Variants in USF1 observed in about 807,000 individuals in gnomAD.
USF1 encodes the protein upstream stimulatory factor 1.
In USF1, 22 loss-of-function variants were observed where a neutral mutation model predicts 46.3. The ratio of observed to expected loss-of-function variants is 0.47; its 90% CI spans 0.34 to 0.68. The LOEUF (loss-of-function observed/expected upper bound fraction) is 0.68. Ranked by LOEUF, USF1 falls within the 30% of genes least tolerant of loss-of-function variation. The probability of loss-of-function intolerance (pLI) is 0.01; values close to 1 mark genes in which losing one functional copy is unlikely to be tolerated. For missense variants in USF1, 287 were observed against 399.3 expected (o/e 0.72, Z 2.40); for synonymous variants, 150 against 147.0 (o/e 1.02, Z -0.15).
intron 3 of USF1, 61 bp from the exon 4 acceptor site, chr1:161,042,731 T>G: frequency 6.2e-7 from 1 of 1,610,422 alleles, no homozygotes; most frequent in Non-Finnish European, 8.5e-7. Context: ...CCCGTTCCAT[T>G]TGCATGTCAC....
rs1306174027 is a variant in USF1 at position 161,039,302 on chromosome 1, AAAAG to A, written c.*614_*617del. On this transcript the variant is annotated 3_prime_UTR_variant, in exon 11 of 11. Coordinates refer to ENST00000368021, the MANE Select transcript of USF1 (RefSeq NM_007122.5). ...AAAAAAAAAAAAAAAAAAAAAAAAG[AAAAG>A]AAAAAAAAAAAACGACCCCCACAAG... 4.8e-3 allele frequency: 485 copies of A among 101,018 alleles called. 3 individuals are homozygous for A. The highest frequency in any genetic ancestry group is 0.013 in the African/African-American group (405 of 31,232). 6.3% of individuals were successfully genotyped at this position (101,018 alleles called of 1,614,324 possible).
Position 161,041,681 on chromosome 1 carries a change from G to A in USF1, c.442C>T (p.Leu148=). Residue 148 remains leucine, a synonymous_variant, in exon 6 of 11, where the codon CTG becomes TTG. Transcript: ENST00000368021. ...CCAGGAGGGGTCGCCTGCCCCAGCAGTGCCTCTGAGCCCTGGGTAGTAACA... is the reference window on the plus strand; with the variant it reads ...CCAGGAGGGGTCGCCTGCCCCAGCAATGCCTCTGAGCCCTGGGTAGTAACA... The part of the protein sequence containing the change: ...AVVTTQGSEA[L]LGQATPPGTG... The A allele has an allele frequency of 1.2e-6, 2 of 1,612,682 alleles. No homozygotes were observed. The highest frequency in any genetic ancestry group is 1.7e-6 in the Non-Finnish European group (2 of 1,178,906).
intron 4 of USF1, 60 bp downstream of exon 4, chr1:161,042,495 A>G (rs560090065): frequency 3.8e-6 from 6 of 1,579,948 alleles, no homozygotes; most frequent in Middle Eastern, 1.7e-4. Flanking sequence ...GACATGTTCA[A>G]TTACCTCCCT....
chr1:161,039,686 A>G lies in USF1; in HGVS notation c.*234T>C. On this transcript the variant is annotated 3_prime_UTR_variant, in exon 11 of 11. Transcript: ENST00000368021. ...ACATGCATTGTGCGAGAGGAGCACAAGGGCCCAGGGGCTGCATGGTGGGGG... is the reference window on the plus strand; with the variant it reads ...ACATGCATTGTGCGAGAGGAGCACAGGGGCCCAGGGGCTGCATGGTGGGGG... 1.8e-6 allele frequency: 1 copy of G among 559,166 alleles called. No homozygotes were observed. The highest frequency in any genetic ancestry group is 3.2e-6 in the Non-Finnish European group (1 of 311,110). The allele number at this position is 559,166 out of a possible 1,614,324, so 34.6% of individuals were successfully genotyped here. A position where few individuals can be genotyped will look rare whatever the true frequency, so the allele number is the denominator to read the frequency against.
intron 7 of USF1, 131 bp downstream of exon 7, chr1:161,041,193 C>T: frequency 1.3e-6 from 1 of 791,058 alleles, no homozygotes; most frequent in South Asian, 1.9e-5. Context: ...ACCCTGGAAG[C>T]AGAGGTTGCA....
chr1:161,040,486 T>C lies in USF1; in HGVS notation c.714+90A>G. On this transcript the variant is annotated intron_variant, in intron 9 of 10. Transcript: ENST00000368021. The surrounding 1 kb of genome is among the most constrained non-coding windows in gnomAD (Gnocchi z 4.0). ...ACCTCAGGGAGAGATAAGACTACTG[T>C]CATGTGTGCCCCTCTCTCTACCATT... is the stretch of plus-strand genomic sequence containing the variant. 6.4e-7 allele frequency: 1 copy of C among 1,560,774 alleles called. No homozygotes were observed. The highest frequency in any genetic ancestry group is 1.2e-5 in the South Asian group (1 of 85,566).
intron 1 of USF1, 46 bp from the exon 2 acceptor site, chr1:161,043,406 G>T (rs1399003376): frequency 1.4e-6 from 2 of 1,430,470 alleles, no homozygotes; most frequent in African/African-American, 2.9e-5. Flanking sequence ...AAACAGAACA[G>T]TATCTCTGGT....
rs1407320653 is a variant in USF1 at position 161,039,843 on chromosome 1, G to A, written c.*77C>T. The A allele has an allele frequency of 2.7e-6, 4 of 1,499,888 alleles. No individual in the cohort carries two copies. The African/African-American group carries it at 5.5e-5, about 21-fold the overall frequency. 92.9% of individuals were successfully genotyped at this position (1,499,888 alleles called of 1,614,324 possible). ...CCCATGCCAGAAGTGGGGCAGTGAA[G>A]GAAAGGGGCACGGGATTAGGCTGTT... On this transcript the variant is annotated 3_prime_UTR_variant, in exon 11 of 11. Coordinates refer to ENST00000368021, the MANE Select transcript of USF1 (RefSeq NM_007122.5).
At position 161,040,535 on chromosome 1, in the gene USF1, G is replaced by T; in HGVS notation, c.714+41C>A. 1 of 1,599,468 alleles carries T rather than the reference G, an allele frequency of 6.3e-7. No homozygotes were observed. The stretch of plus-strand genomic sequence containing the variant: ...TTTCTGGAAACAATACCAGGAGGCA[G>T]AATTCAGGCATCCTGCCCACTACCA... On this transcript the variant is annotated intron_variant, in intron 9 of 10. Coordinates refer to ENST00000368021, the MANE Select transcript of USF1 (RefSeq NM_007122.5). This position sits in a 1 kb window ranked among gnomAD's most constrained non-coding sequence, Gnocchi z 4.0.
chr1:161,044,222 C>T lies in USF1; in HGVS notation c.-85-862G>A, dbSNP rs533518968. Among the ~76,000 whole-genome samples the T allele has an allele frequency of 8.5e-5, 13 of 152,256 alleles. 1 individual carries two copies. Among genetic ancestry groups the T allele is most frequent in the Admixed American group, 8.5e-4 (13 of 15,290 alleles). On this transcript the variant is annotated intron_variant, in intron 1 of 10. Transcript: ENST00000368021. ...CCTCCCAAAGTGCTTGGATTACAGG[C>T]ATGAGCCACCGCACCCAGCCAACAA...
At chr1:161,041,938 G>GAGTTCTGAGAA in intron 5 of USF1, 92 bp from the exon 6 acceptor site, 1 of 1,399,612 alleles carries the variant, frequency 7.1e-7, no homozygotes. Context: ...TGGGGTGGTA[G>GAGTTCTGAGAA]GTAGGGTGGA....
At chr1:161,044,145 A>T (rs1302109602) in intron 1 of USF1, among the ~76,000 whole-genome samples, 1 of 150,846 alleles carries the variant, frequency 6.6e-6, no homozygotes, top group Non-Finnish European at 1.5e-5. Context: ...GTTTTACCAT[A>T]TTGGCCAGGC....
chr1:161,044,027 C>T (rs1213425579), intron 1 of USF1, among the ~76,000 whole-genome samples: 1 of 149,878 alleles, frequency 6.7e-6, no homozygotes, highest in African/African-American at 2.5e-5. Context: ...CTTACAACCT[C>T]CATCTCCTGG....
chr1:161,042,982 A>G, intron 2 of USF1, 100 bp from the exon 3 acceptor site: 1 of 1,532,310 alleles, frequency 6.5e-7, no homozygotes, highest in Non-Finnish European at 9.0e-7. Context: ...GGCATTCCCA[A>G]CAGAAGCTGG....
At chr1:161,043,554 A>G (rs967713450) in intron 1 of USF1, among the ~76,000 whole-genome samples, 194 bp from the exon 2 acceptor site, 1 of 151,570 alleles carries the variant, frequency 6.6e-6, no homozygotes, top group Admixed American at 6.6e-5. Context: ...AGTGTTCCCC[A>G]TCCCTCCATT....
At position 161,039,938 on chromosome 1, in the gene USF1, G is replaced by A. The variant is rs1650453553; in HGVS notation, c.915C>T (p.Ile305=). The A allele has an allele frequency of 2.5e-6, 4 of 1,614,090 alleles. No individual in the cohort carries two copies. In the South Asian group the frequency reaches 4.4e-5, roughly 18 times the overall value. Residue 305 remains isoleucine, a synonymous_variant, in exon 11 of 11, where the codon ATC becomes ATT. Transcript: ENST00000368021. The stretch of plus-strand genomic sequence containing the variant: ...CCCATAGTTAGTTGCTGTCATTCTT[G>A]ATGACGACCTCTAATCCGTGGTGCC... ...QLRHHGLEVV[I]KNDSN
Position 161,041,874 on chromosome 1 carries a change from C to G in USF1, c.277-28G>C, listed in dbSNP as rs143569983. ...GGGAAGGGGAGCAAGAAAACTGATT[C>G]TGGTAACAGTCAAAAACTTCTTCCC... On this transcript the variant is annotated intron_variant, in intron 5 of 10. Transcript: ENST00000368021. 102 of 1,599,044 alleles carry G rather than the reference C, an allele frequency of 6.4e-5. No individual in the cohort carries two copies. The Middle Eastern group carries it at 8.3e-4, about 13-fold the overall frequency.
chr1:161,040,039 T>C lies in USF1; in HGVS notation c.844-30A>G. On this transcript the variant is annotated intron_variant, in intron 10 of 10. Coordinates refer to ENST00000368021, the MANE Select transcript of USF1 (RefSeq NM_007122.5). The surrounding 1 kb of genome is among the most constrained non-coding windows in gnomAD (Gnocchi z 4.0). ...CATGGGAAGGAGGCAGTAAAGGGAA[T>C]GGGTAGTAAAGCTGGCACTTCCAAG... 1 of 1,613,760 alleles carries C rather than the reference T, an allele frequency of 6.2e-7. No individual in the cohort carries two copies. The highest frequency in any genetic ancestry group is 8.5e-7 in the Non-Finnish European group (1 of 1,179,672).
In USF1 at chr1:161,042,273, G is replaced by C. The variant is rs1392816973; in HGVS notation, c.175-56C>G. On this transcript the variant is annotated intron_variant, in intron 4 of 10. Transcript: ENST00000368021. Reference sequence around the variant, plus strand: ...AAGAGAGAAGAAAAGATTAAGTGTTGGGAATCCTAGGGCCCCTCATAAAGC... The same window carrying C: ...AAGAGAGAAGAAAAGATTAAGTGTTCGGAATCCTAGGGCCCCTCATAAAGC... 5 of 1,523,674 alleles carry C rather than the reference G, an allele frequency of 3.3e-6. No homozygotes were observed. The African/African-American group carries it at 5.5e-5, about 17-fold the overall frequency. 94.4% of individuals were successfully genotyped at this position (1,523,674 alleles called of 1,614,324 possible).
Sources: allele counts gnomAD v4.1 joint callset (sites outside exome capture counted in the v4.1 genomes callset), GRCh38; gene constraint gnomAD v4.1.1; non-coding constraint Gnocchi (gnomAD v3.1); transcripts MANE v1.5; gene names NCBI Gene and HGNC (gene_info 2026-07-23, HGNC 2026-07-21).